COL21A1: variants seen among roughly 807,000 people sequenced by gnomAD.
COL21A1 encodes the protein collagen type XXI alpha 1 chain.
COL21A1 carries 149 observed loss-of-function variants against 137.9 expected under a neutral mutation model. The observed-to-expected ratio is 1.08, with a 90% CI of 0.95 to 1.24. COL21A1 has a LOEUF of 1.24. COL21A1 is among the 50% of genes most tolerant of loss of function. COL21A1 has a pLI of 0.00. For synonymous variants in COL21A1, 456 were observed against 391.5 expected (o/e 1.16, Z -1.95); for missense variants, 1,167 against 1,158.4 (o/e 1.01, Z -0.11).
intron 1 of COL21A1, among the ~76,000 whole-genome samples, chr6:56,376,261 T>C (rs75318851): frequency 1.0e-3 from 152 of 152,262 alleles, no homozygotes; most frequent in Non-Finnish European, 1.5e-3. Context: ...AAGACAAGTA[T>C]AACCTTTGGC....
intron 1 of COL21A1, among the ~76,000 whole-genome samples, chr6:56,207,747 G>A (rs1192813114): frequency 6.6e-6 from 1 of 151,970 alleles, no homozygotes; most frequent in African/African-American, 2.4e-5. Context: ...AAAATTTCAG[G>A]TAAATATCCC....
At chr6:56,169,022 T>C (rs1776821385) in intron 5 of COL21A1, among the ~76,000 whole-genome samples, 1 of 152,032 alleles carries the variant, frequency 6.6e-6, no homozygotes, top group Non-Finnish European at 1.5e-5. Flanking sequence ...GTTTTCTTCT[T>C]GACCCCATTT....
At chr6:56,276,808 TTTTTTTTG>T (rs1484767006) in intron 1 of COL21A1, 7 of 887,628 alleles carry the variant, frequency 7.9e-6, no homozygotes, top group Non-Finnish European at 1.2e-5. Context: ...GTTTTTTTTG[TTTTTTTTG>T]TTTTTTTTTT....
intron 1 of COL21A1, among the ~76,000 whole-genome samples, chr6:56,346,845 C>T (rs144766926): frequency 1.9e-3 from 289 of 152,224 alleles, no homozygotes; most frequent in African/African-American, 6.7e-3. Flanking sequence ...AGGCAAAAAA[C>T]AATGTTCAGG....
chr6:56,097,898 T>G (rs1769588411), intron 17 of COL21A1, among the ~76,000 whole-genome samples: 2 of 97,268 alleles, frequency 2.1e-5, no homozygotes, highest in African/African-American at 4.2e-5. Flanking sequence ...TATATAAATA[T>G]ATAAATATAT....
chr6:56,168,982 C>T (rs1776817466), intron 5 of COL21A1, among the ~76,000 whole-genome samples: 1 of 151,898 alleles, frequency 6.6e-6, no homozygotes, highest in Non-Finnish European at 1.5e-5. Flanking sequence ...ACAACGTATG[C>T]AACAAAATAA....
At chr6:56,075,382 T>A (rs1192757388) in intron 19 of COL21A1, 97 bp downstream of exon 19, 1 of 856,002 alleles carries the variant, frequency 1.2e-6, no homozygotes, top group Non-Finnish European at 1.8e-6. Context: ...TATTGCTGTA[T>A]CCCCTACATT....
At chr6:56,197,075 C>T (rs12207333) in intron 1 of COL21A1, among the ~76,000 whole-genome samples, 11,049 of 151,908 alleles carry the variant, frequency 0.073, 444 homozygotes, top group Middle Eastern at 0.13. Flanking sequence ...GAAATAAATC[C>T]ACGCATATAT....
intron 4 of COL21A1, 22 bp downstream of exon 4, chr6:56,170,938 T>G: frequency 6.3e-7 from 1 of 1,592,474 alleles, no homozygotes; most frequent in Non-Finnish European, 8.5e-7. Context: ...CCAAAAAAGT[T>G]GTGTCAACAT....
At chr6:56,165,102 A>G (rs1031506260) in intron 7 of COL21A1, among the ~76,000 whole-genome samples, 1 of 152,212 alleles carries the variant, frequency 6.6e-6, no homozygotes, top group Admixed American at 6.5e-5. Context: ...GCCATGCAAG[A>G]TTAAAAAATA....
chr6:56,223,910 T>C (rs886493854), intron 1 of COL21A1, among the ~76,000 whole-genome samples: 1 of 151,348 alleles, frequency 6.6e-6, no homozygotes. Context: ...TGGAGTGTTC[T>C]GTGCATCTTA....
At chr6:56,125,525 A>T in intron 14 of COL21A1, 42 bp downstream of exon 14, 1 of 1,430,996 alleles carries the variant, frequency 7.0e-7, no homozygotes, top group Non-Finnish European at 9.7e-7. Context: ...CCATTACATT[A>T]AAAGTTCAAT....
intron 10 of COL21A1, among the ~76,000 whole-genome samples, chr6:56,154,861 G>C (rs1358156924): frequency 6.6e-6 from 1 of 151,642 alleles, no homozygotes; most frequent in Non-Finnish European, 1.5e-5. Context: ...TACCACTTTT[G>C]TTTACCCCTT....
chr6:56,348,178 A>G (rs1001343924), intron 1 of COL21A1, among the ~76,000 whole-genome samples: 1 of 152,150 alleles, frequency 6.6e-6, no homozygotes, highest in African/African-American at 2.4e-5. Context: ...GCATGTAGGA[A>G]GGGCACAATG....
intron 1 of COL21A1, among the ~76,000 whole-genome samples, chr6:56,190,282 A>G (rs1388712134): frequency 6.6e-6 from 1 of 152,226 alleles, no homozygotes; most frequent in Non-Finnish European, 1.5e-5. Context: ...TCACAGAAAT[A>G]CAAACTACCA....
At chr6:56,381,236 A>G (rs1010534185) in intron 1 of COL21A1, among the ~76,000 whole-genome samples, 10 of 152,118 alleles carry the variant, frequency 6.6e-5, no homozygotes, top group Non-Finnish European at 4.4e-5. Flanking sequence ...TTTAATTTTT[A>G]TGTGGTCGAG....
intron 1 of COL21A1, among the ~76,000 whole-genome samples, chr6:56,322,146 T>C (rs1764883770): frequency 6.6e-6 from 1 of 152,118 alleles, no homozygotes; most frequent in Non-Finnish European, 1.5e-5. Flanking sequence ...CTCTACAGCT[T>C]TCTGAATCCA....
intron 1 of COL21A1, among the ~76,000 whole-genome samples, chr6:56,201,462 A>G (rs1482565483): frequency 6.6e-6 from 1 of 152,136 alleles, no homozygotes; most frequent in East Asian, 1.9e-4. Context: ...TCTTTAATCC[A>G]TCTTGAATTA....
chr6:56,216,062 G>C (rs926133401), intron 1 of COL21A1, among the ~76,000 whole-genome samples: 3 of 152,026 alleles, frequency 2.0e-5, no homozygotes, highest in African/African-American at 4.8e-5. Context: ...CCTGTCACTG[G>C]TAAGACATTT....
Sources: allele counts gnomAD v4.1 joint callset (sites outside exome capture counted in the v4.1 genomes callset), GRCh38; gene constraint gnomAD v4.1.1; transcripts MANE v1.5; gene names NCBI Gene and HGNC (gene_info 2026-07-23, HGNC 2026-07-21).